Variants in GPR174 observed in about 807,000 individuals in gnomAD.
The protein encoded by GPR174 is probable G protein-coupled receptor 174.
Under a neutral mutation model 16.5 loss-of-function variants are expected in GPR174, and 8 were observed. The ratio of observed to expected loss-of-function variants is 0.48; its 90% CI spans 0.28 to 0.87. The LOEUF (loss-of-function observed/expected upper bound fraction) is 0.87. Among genes scored for constraint, GPR174 ranks in the 40% least tolerant of loss-of-function variants. GPR174 has a pLI of 0.09. For missense variants in GPR174, 214 were observed against 247.5 expected (o/e 0.86, Z 0.91); for synonymous variants, 111 against 94.8 (o/e 1.17, Z -0.99).
chrX:79,158,659 G>C (rs184505522), intron 2 of GPR174, among the ~76,000 whole-genome samples: 1 of 106,243 alleles, frequency 9.4e-6, no homozygotes, highest in East Asian at 2.9e-4. Context: ...GGCCAGGATG[G>C]TCTCGATCTC....
chrX:79,166,838 A>T (rs1921384761), intron 2 of GPR174, among the ~76,000 whole-genome samples: 1 of 111,728 alleles, frequency 9.0e-6, no homozygotes, highest in Non-Finnish European at 1.9e-5. Context: ...GTAACTGTGC[A>T]CTTTGGAGGT....
chrX:79,145,580 A>G (rs1484343895), intron 1 of GPR174, among the ~76,000 whole-genome samples: 1 of 111,643 alleles, frequency 9.0e-6, no homozygotes, highest in African/African-American at 3.3e-5. Context: ...GTGCAGGATA[A>G]TTTTTATCTA....
chrX:79,164,364 C>T (rs182131952), intron 2 of GPR174, among the ~76,000 whole-genome samples: 1 of 111,974 alleles, frequency 8.9e-6, no homozygotes, highest in African/African-American at 3.2e-5. Flanking sequence ...CTTTCTGCTT[C>T]CACCAAAACC....
chrX:79,160,615 A>G (rs766770840), intron 2 of GPR174, among the ~76,000 whole-genome samples: 9 of 111,854 alleles, frequency 8.0e-5, no homozygotes, highest in African/African-American at 2.9e-4. Context: ...CAGGCTAAAG[A>G]GATTTCATGA....
intron 2 of GPR174, among the ~76,000 whole-genome samples, chrX:79,167,122 G>A (rs1264412071): frequency 8.9e-6 from 1 of 112,059 alleles, no homozygotes; most frequent in Non-Finnish European, 1.9e-5. Flanking sequence ...AGGCAATGAA[G>A]ATAGGAAAAC....
At chrX:79,169,455 C>A (rs1218260307) in intron 2 of GPR174, among the ~76,000 whole-genome samples, 1 of 111,558 alleles carries the variant, frequency 9.0e-6, no homozygotes, top group Non-Finnish European at 1.9e-5. Context: ...ACTCATCAAG[C>A]CTTTTAAGTA....
rs1921602176 is a variant in GPR174, at chrX:79,174,768, T to C, written c.*2759T>C. ...TAGTAGCTTACTAATTTAGGAGTAC[T>C]GGTGCAGCTACGATCCAGACAGCAG... On this transcript the variant is annotated 3_prime_UTR_variant, in exon 3 of 3. Transcript: ENST00000645147. 9.0e-6 allele frequency: 1 copy of C among 110,898 alleles called. No homozygotes were observed. Among genetic ancestry groups the C allele is most frequent in the African/African-American group, 3.3e-5 (1 of 30,092 alleles). The allele number at this position is 110,898 out of a possible 1,213,427, so 9.1% of individuals were successfully genotyped here.
rs939028710 is a variant in GPR174, at chrX:79,171,961, C to G, written c.954C>G (p.Ser318=). ...LHDSIQLHAK[S]FVSNHTASTM... is the part of the protein sequence containing the mutation. ...ACAGCATCCAACTCCATGCAAAATC[C>G]TTTGTGAGTAACCATACAGCTTCCA... The change falls in exon 3 of 3, where the codon TCC becomes TCG. Residue 318 remains serine (S), a synonymous_variant. Transcript: ENST00000645147. 8.3e-7 allele frequency: 1 copy of G among 1,206,448 alleles called. No homozygotes were observed. Among genetic ancestry groups the G allele is most frequent in the East Asian group, 3.0e-5 (1 of 33,775 alleles).
intron 1 of GPR174, among the ~76,000 whole-genome samples, chrX:79,155,855 T>C (rs1921084059): frequency 8.9e-6 from 1 of 111,753 alleles, no homozygotes; most frequent in South Asian, 3.7e-4. Flanking sequence ...AATATTTCAT[T>C]GGATGCCTTC....
intron 1 of GPR174, among the ~76,000 whole-genome samples, chrX:79,153,969 A>G (rs773769170): frequency 7.9e-4 from 89 of 112,152 alleles, no homozygotes; most frequent in Non-Finnish European, 1.6e-3. Context: ...GGTTTAATCA[A>G]GATTAATAAA....
At chrX:79,148,611 C>T (rs755151511) in intron 1 of GPR174, among the ~76,000 whole-genome samples, 1 of 111,268 alleles carries the variant, frequency 9.0e-6, no homozygotes, top group Non-Finnish European at 1.9e-5. Context: ...TTTATCCCCT[C>T]GGACTCAGAT....
intron 1 of GPR174, among the ~76,000 whole-genome samples, chrX:79,146,857 G>A (rs993092871): frequency 1.8e-5 from 2 of 111,186 alleles, no homozygotes; most frequent in Non-Finnish European, 3.8e-5. Context: ...TCTGCATTCC[G>A]CTCATAGATA....
rs750590590 is a variant in GPR174 at position 79,171,060 on chromosome X, G to T, written c.53G>T (p.Arg18Leu). ...TRPDGDNTDF[R>L]YFIYAVTYTV... is the part of the protein sequence containing the mutation. ...CCAGATGGAGACAATACAGATTTTC[G>T]ATACTTTATTTATGCAGTGACATAC... Residue 18 changes from arginine to leucine, a missense_variant, in exon 3 of 3, where the codon CGA becomes CTA. Physicochemically the swap from Arg to Leu is moderately radical, Grantham distance 102. Coordinates refer to ENST00000645147, the MANE Select transcript of GPR174 (RefSeq NM_032553.3). 8.3e-7 allele frequency: 1 copy of T among 1,207,493 alleles called. No homozygotes were observed. Among genetic ancestry groups the T allele is most frequent in the Non-Finnish European group, 1.1e-6 (1 of 892,656 alleles).
chrX:79,166,586 G>C (rs1227638632), intron 2 of GPR174, among the ~76,000 whole-genome samples: 1 of 107,880 alleles, frequency 9.3e-6, no homozygotes, highest in East Asian at 2.9e-4. Context: ...TTACAGGCGT[G>C]TGCCACCACA....
In GPR174 at chrX:79,171,897, A is replaced by C. The variant is rs1348531992; in HGVS notation, c.890A>C (p.Asn297Thr). ...CCAGTCATATACTACTTTTCCACTA[A>C]TGAGTTCCGAAGACGGCTTTCAAGA... ...LDPVIYYFST[N>T]EFRRRLSRQD... Residue 297 changes from asparagine (N) to threonine (T), a missense_variant, in exon 3 of 3, where the codon AAT (asparagine) becomes ACT (threonine). By Grantham distance (65) the Asn-to-Thr change is moderately conservative. Transcript: ENST00000645147. 8.3e-7 allele frequency: 1 copy of C among 1,210,916 alleles called. No individual in the cohort carries two copies. The highest frequency in any genetic ancestry group is 3.0e-5 in the East Asian group (1 of 33,810).
Position 79,171,975 on chromosome X carries a change from A to C in GPR174, c.968A>C (p.His323Pro). The C allele has an allele frequency of 8.3e-7, 1 of 1,199,892 alleles. No homozygotes were observed. The highest frequency in any genetic ancestry group is 1.1e-6 in the Non-Finnish European group (1 of 890,222). Residue 323 changes from histidine (H) to proline (P), a missense_variant, in exon 3 of 3, where the codon CAT (histidine) becomes CCT (proline). By Grantham distance (77) the His-to-Pro change is moderately conservative. Coordinates refer to ENST00000645147, the MANE Select transcript of GPR174 (RefSeq NM_032553.3). ...QLHAKSFVSN[H>P]TASTMTPELC ...CATGCAAAATCCTTTGTGAGTAACC[A>C]TACAGCTTCCACCATGACACCTGAA...
rs1282258270 is a variant in GPR174, at chrX:79,144,976, CTTTT to C, written c.-893_-890del. ...TTTCTTTCTTTCTTTCTCTTTCTTT[CTTTT>C]TCTTTCTTTCTTTCTCTCTCTCTCT... On this transcript the variant is annotated 5_prime_UTR_variant, in exon 1 of 3. Coordinates refer to ENST00000645147, the MANE Select transcript of GPR174 (RefSeq NM_032553.3). 1.2e-5 allele frequency: 1 copy of C among 82,540 alleles called. No individual in the cohort carries two copies. Among genetic ancestry groups the C allele is most frequent in the Non-Finnish European group, 2.3e-5 (1 of 42,687 alleles). The allele number at this position is 82,540 out of a possible 1,213,427, so 6.8% of individuals were successfully genotyped here.
chrX:79,147,324 A>G (rs992613810), intron 1 of GPR174, among the ~76,000 whole-genome samples: 1 of 109,824 alleles, frequency 9.1e-6, no homozygotes, highest in Non-Finnish European at 1.9e-5. Context: ...GGATTAAGAG[A>G]CATGCATTAT....
At chrX:79,148,872 A>G (rs1602335161) in intron 1 of GPR174, among the ~76,000 whole-genome samples, 2 of 111,808 alleles carry the variant, frequency 1.8e-5, no homozygotes, top group East Asian at 5.6e-4. Flanking sequence ...ACAGTGATGA[A>G]ATCCTTTACT....
Sources: allele counts gnomAD v4.1 joint callset (sites outside exome capture counted in the v4.1 genomes callset), GRCh38; gene constraint gnomAD v4.1.1; transcripts MANE v1.5; gene names NCBI Gene and HGNC (gene_info 2026-07-23, HGNC 2026-07-21).